Variants in HS6ST3 observed in about 807,000 individuals in gnomAD.
HS6ST3 encodes the protein heparan-sulfate 6-O-sulfotransferase 3.
A neutral mutation model predicts 36.7 loss-of-function variants in HS6ST3; 12 were observed. That is an observed-to-expected ratio of 0.33 (90% CI 0.21 to 0.53). The LOEUF is 0.53. HS6ST3 is among the 20% of genes least tolerant of loss of function. The pLI is 0.95. For synonymous variants in HS6ST3, 240 were observed against 257.5 expected (o/e 0.93, Z 0.65); for missense variants, 584 against 640.9 (o/e 0.91, Z 0.96).
chr13:96,163,595 A>T (rs1159978882), intron 1 of HS6ST3, among the ~76,000 whole-genome samples: 1 of 152,172 alleles, frequency 6.6e-6, no homozygotes, highest in African/African-American at 2.4e-5. Context: ...TCCAGGTGGT[A>T]TGTTGAACTA....
intron 1 of HS6ST3, among the ~76,000 whole-genome samples, chr13:96,464,818 T>C (rs2055803839): frequency 6.6e-6 from 1 of 152,146 alleles, no homozygotes; most frequent in African/African-American, 2.4e-5. Context: ...ATCATTGATA[T>C]ATTGATTTTA....
At chr13:96,178,563 A>G (rs867336823) in intron 1 of HS6ST3, among the ~76,000 whole-genome samples, 1 of 151,908 alleles carries the variant, frequency 6.6e-6, no homozygotes, top group Non-Finnish European at 1.5e-5. Flanking sequence ...TTGTCTGTCT[A>G]GCTGTGAGGG....
At chr13:96,428,881 G>T (rs2055600429) in intron 1 of HS6ST3, among the ~76,000 whole-genome samples, 1 of 152,194 alleles carries the variant, frequency 6.6e-6, no homozygotes, top group African/African-American at 2.4e-5. Context: ...ATGCTCAATG[G>T]GAGAACCAAG....
chr13:96,354,251 A>T (rs1428973078), intron 1 of HS6ST3, among the ~76,000 whole-genome samples: 1 of 152,140 alleles, frequency 6.6e-6, no homozygotes, highest in Non-Finnish European at 1.5e-5. Flanking sequence ...CAGTTTGGGA[A>T]CCCTAACATG....
At chr13:96,352,985 C>T (rs1329894632) in intron 1 of HS6ST3, among the ~76,000 whole-genome samples, 1 of 149,920 alleles carries the variant, frequency 6.7e-6, no homozygotes, top group Non-Finnish European at 1.5e-5. Flanking sequence ...TGTGGCTCTA[C>T]AGCACAAATC....
intron 1 of HS6ST3, among the ~76,000 whole-genome samples, chr13:96,176,890 T>C (rs755441789): frequency 2.0e-5 from 3 of 152,032 alleles, no homozygotes; most frequent in Non-Finnish European, 4.4e-5. Flanking sequence ...AGGTCTAATA[T>C]CCAGCATCTA....
chr13:96,306,808 A>G (rs1594748900), intron 1 of HS6ST3, among the ~76,000 whole-genome samples: 2 of 152,314 alleles, frequency 1.3e-5, no homozygotes, highest in South Asian at 2.1e-4. Context: ...TCAAGAGAAA[A>G]TAGATTTACC....
intron 1 of HS6ST3, among the ~76,000 whole-genome samples, chr13:96,304,803 C>T (rs574765039): frequency 3.3e-5 from 5 of 149,960 alleles, no homozygotes; most frequent in African/African-American, 9.8e-5. Context: ...CTCCGCTTCC[C>T]GGGTTCAAGC....
intron 1 of HS6ST3, among the ~76,000 whole-genome samples, chr13:96,643,342 G>A (rs570038122): frequency 6.6e-6 from 1 of 151,964 alleles, no homozygotes; most frequent in African/African-American, 2.4e-5. Flanking sequence ...GTTAGACTTT[G>A]TTAGATATTC....
At chr13:96,669,533 A>G (rs993123679) in intron 1 of HS6ST3, among the ~76,000 whole-genome samples, 1 of 152,164 alleles carries the variant, frequency 6.6e-6, no homozygotes, top group Non-Finnish European at 1.5e-5. Flanking sequence ...CTCTTCAACA[A>G]TGGCTTAAAC....
At chr13:96,512,709 C>T (rs1481810625) in intron 1 of HS6ST3, among the ~76,000 whole-genome samples, 1 of 152,204 alleles carries the variant, frequency 6.6e-6, no homozygotes, top group East Asian at 1.9e-4. Context: ...AAAAATGTCA[C>T]TATTCTTATA....
intron 1 of HS6ST3, among the ~76,000 whole-genome samples, chr13:96,531,202 G>A (rs956162209): frequency 2.0e-5 from 3 of 152,046 alleles, no homozygotes; most frequent in African/African-American, 7.2e-5. Context: ...TAAAGTAAAA[G>A]TTCGGAAATC....
chr13:96,779,051 C>T (rs1020176075), intron 1 of HS6ST3, among the ~76,000 whole-genome samples: 7 of 152,034 alleles, frequency 4.6e-5, no homozygotes, highest in East Asian at 1.9e-4. Context: ...CCATCATTCT[C>T]AGCAAACTAA....
chr13:96,183,542 ATGT>A (rs1255512604), intron 1 of HS6ST3, among the ~76,000 whole-genome samples: 2 of 152,092 alleles, frequency 1.3e-5, no homozygotes, highest in South Asian at 4.1e-4. Context: ...GCCCAGATAG[ATGT>A]TGTTGTGGGT....
intron 1 of HS6ST3, among the ~76,000 whole-genome samples, chr13:96,795,131 C>T (rs920831585): frequency 3.3e-5 from 5 of 151,976 alleles, no homozygotes; most frequent in Non-Finnish European, 7.4e-5. Flanking sequence ...TCCAGCACAG[C>T]CGTTTTAATA....
At chr13:96,830,612 G>A (rs1878758112) in intron 1 of HS6ST3, among the ~76,000 whole-genome samples, 1 of 152,172 alleles carries the variant, frequency 6.6e-6, no homozygotes, top group African/African-American at 2.4e-5. Flanking sequence ...TGGACGCCAG[G>A]TTGAGGACAG....
intron 1 of HS6ST3, among the ~76,000 whole-genome samples, chr13:96,606,594 AGAGGGAGGGAGGGAGGGAGGGAGGGAGG>A (rs757536053): frequency 6.7e-5 from 5 of 74,504 alleles, no homozygotes; most frequent in East Asian, 3.9e-4. Context: ...AGGGAGGGAC[AGAGGGAGGGAGGGAGGGAGGGAGGGAGG>A]GAGGGAGGGA....
intron 1 of HS6ST3, among the ~76,000 whole-genome samples, chr13:96,366,307 C>G (rs918107376): frequency 5.9e-5 from 9 of 152,104 alleles, no homozygotes; most frequent in African/African-American, 2.2e-4. Flanking sequence ...GAAACCCTGT[C>G]TCTACTAATG....
At chr13:96,386,466 C>A (rs563544394) in intron 1 of HS6ST3, among the ~76,000 whole-genome samples, 4 of 152,002 alleles carry the variant, frequency 2.6e-5, no homozygotes, top group Admixed American at 2.0e-4. Flanking sequence ...TTTTTTTGTT[C>A]TTTTCCCCCC....
Sources: allele counts gnomAD v4.1 joint callset (sites outside exome capture counted in the v4.1 genomes callset), GRCh38; gene constraint gnomAD v4.1.1; transcripts MANE v1.5; gene names NCBI Gene and HGNC (gene_info 2026-07-23, HGNC 2026-07-21).